The following CDK14 variants were observed in gnomAD, a reference collection of about 807,000 sequenced individuals.
CDK14 encodes the protein cyclin-dependent kinase 14.
A neutral mutation model predicts 60.7 loss-of-function variants in CDK14; 34 were observed. The observed-to-expected ratio is 0.56, with a 90% CI of 0.43 to 0.75. CDK14 has a LOEUF of 0.75. Among genes scored for constraint, CDK14 ranks in the 30% least tolerant of loss-of-function variants. The probability of loss-of-function intolerance (pLI) is 0.00; values close to 1 mark genes in which losing one functional copy is unlikely to be tolerated. For missense variants in CDK14, 482 were observed against 564.1 expected (o/e 0.85, Z 1.47); for synonymous variants, 197 against 203.7 (o/e 0.97, Z 0.28).
At chr7:90,644,461 A>G (rs1459786270) in intron 2 of CDK14, among the ~76,000 whole-genome samples, 4 of 152,132 alleles carry the variant, frequency 2.6e-5, no homozygotes, top group African/African-American at 9.7e-5. Flanking sequence ...GAATCTGTGG[A>G]TCCTTGTTGA....
At chr7:90,821,073 T>C (rs186307762) in intron 5 of CDK14, among the ~76,000 whole-genome samples, 25 of 152,314 alleles carry the variant, frequency 1.6e-4, no homozygotes, top group African/African-American at 6.0e-4. Flanking sequence ...TGATGGTTCT[T>C]GGAGTAAGTT....
chr7:90,784,490 C>A (rs983262723), intron 4 of CDK14, among the ~76,000 whole-genome samples: 2 of 152,154 alleles, frequency 1.3e-5, no homozygotes, highest in South Asian at 4.1e-4. Flanking sequence ...TTGATCATTA[C>A]ACTTTATATG....
At chr7:90,968,772 GT>G (rs1794832856) in intron 9 of CDK14, among the ~76,000 whole-genome samples, 1 of 150,116 alleles carries the variant, frequency 6.7e-6, no homozygotes, top group Admixed American at 6.6e-5. Flanking sequence ...AGAGGTGTTT[GT>G]TTTTGTTGTT....
At chr7:91,117,296 G>A (rs577301760) in intron 13 of CDK14, among the ~76,000 whole-genome samples, 11 of 151,346 alleles carry the variant, frequency 7.3e-5, no homozygotes, top group Non-Finnish European at 1.5e-4. Flanking sequence ...CCAGGATCAC[G>A]CACGCCACTC....
intron 2 of CDK14, among the ~76,000 whole-genome samples, chr7:90,636,104 T>C (rs1446911275): frequency 6.7e-6 from 1 of 149,656 alleles, no homozygotes; most frequent in Non-Finnish European, 1.5e-5. Context: ...ACTTCCTCTT[T>C]TCCTAATTGA....
intron 14 of CDK14, among the ~76,000 whole-genome samples, chr7:91,184,051 C>T (rs912324368): frequency 2.6e-5 from 4 of 151,554 alleles, no homozygotes; most frequent in African/African-American, 9.7e-5. Flanking sequence ...ATTTTTAAAC[C>T]AGGCGCTTAA....
intron 14 of CDK14, among the ~76,000 whole-genome samples, chr7:91,199,975 G>A (rs1319409924): frequency 6.6e-6 from 1 of 152,150 alleles, no homozygotes; most frequent in Non-Finnish European, 1.5e-5. Flanking sequence ...AGTTACAGAA[G>A]TAGGTTTGAC....
At chr7:90,888,934 T>C (rs1792033788) in intron 6 of CDK14, among the ~76,000 whole-genome samples, 1 of 152,250 alleles carries the variant, frequency 6.6e-6, no homozygotes, top group Non-Finnish European at 1.5e-5. Flanking sequence ...CCAGAGGGCA[T>C]ATAAATCATA....
At chr7:90,845,206 G>A (rs1479716012) in intron 5 of CDK14, among the ~76,000 whole-genome samples, 1 of 152,020 alleles carries the variant, frequency 6.6e-6, no homozygotes, top group Non-Finnish European at 1.5e-5. Flanking sequence ...TTGAATGAAT[G>A]AATGAGTTCT....
At chr7:90,949,718 G>C (rs1794199862) in intron 8 of CDK14, among the ~76,000 whole-genome samples, 1 of 152,112 alleles carries the variant, frequency 6.6e-6, no homozygotes. Flanking sequence ...ATTTTTAAGG[G>C]ATTTTGGTTT....
chr7:91,183,335 C>G (rs1335434075), intron 14 of CDK14, among the ~76,000 whole-genome samples: 2 of 152,158 alleles, frequency 1.3e-5, no homozygotes, highest in Non-Finnish European at 2.9e-5. Context: ...GTTTTCAAAG[C>G]TGGTCTCTTC....
chr7:90,702,957 G>A (rs1376393156), intron 2 of CDK14, among the ~76,000 whole-genome samples: 3 of 151,622 alleles, frequency 2.0e-5, no homozygotes, highest in African/African-American at 4.8e-5. Context: ...GTCCCTAAAA[G>A]CAATAAAACT....
chr7:90,678,090 A>G (rs1801236782), intron 2 of CDK14, among the ~76,000 whole-genome samples: 1 of 152,224 alleles, frequency 6.6e-6, no homozygotes, highest in South Asian at 2.1e-4. Flanking sequence ...AGCTGATTGT[A>G]AGAATCAAGT....
At chr7:91,107,455 T>C (rs1303067429) in intron 12 of CDK14, 1 of 152,204 alleles carries the variant, frequency 6.6e-6, no homozygotes, top group East Asian at 1.9e-4. Flanking sequence ...ACAATACTGC[T>C]CTTGTGAGAA....
At chr7:90,863,698 T>TGTGTTTG (rs61201271) in intron 6 of CDK14, among the ~76,000 whole-genome samples, 11 of 58,468 alleles carry the variant, frequency 1.9e-4, no homozygotes, top group Non-Finnish European at 3.6e-4. Context: ...GTGTGTGTGT[T>TGTGTTTG]TGTGTGTGTG....
intron 3 of CDK14, among the ~76,000 whole-genome samples, chr7:90,747,105 C>CT (rs1351220780): frequency 2.0e-5 from 3 of 152,276 alleles, no homozygotes; most frequent in African/African-American, 7.2e-5. Context: ...TTCAGTAAAA[C>CT]TTTATGAACA....
chr7:91,003,302 C>T (rs945572491), intron 10 of CDK14, among the ~76,000 whole-genome samples: 2 of 152,026 alleles, frequency 1.3e-5, no homozygotes, highest in Non-Finnish European at 2.9e-5. Flanking sequence ...CATACTAGTC[C>T]TAGTCATCAT....
At chr7:90,929,136 T>G (rs1366489432) in intron 8 of CDK14, among the ~76,000 whole-genome samples, 1 of 152,216 alleles carries the variant, frequency 6.6e-6, no homozygotes, top group Non-Finnish European at 1.5e-5. Context: ...ACGGCTTCTC[T>G]TTGCTAGGAA....
intron 14 of CDK14, among the ~76,000 whole-genome samples, chr7:91,160,376 G>T (rs1801131512): frequency 6.6e-6 from 1 of 152,176 alleles, no homozygotes; most frequent in South Asian, 2.1e-4. Context: ...ATACCTTGGG[G>T]ACTGTGGACT....
Sources: gnomAD v4.1 joint callset for allele counts (sites outside exome capture counted in the v4.1 genomes callset) on GRCh38, gnomAD v4.1.1 for gene constraint, MANE v1.5 for transcripts, NCBI Gene and HGNC (gene_info 2026-07-23, HGNC 2026-07-21) for gene names.